The following GRIK3 variants were observed in gnomAD, a reference collection of about 807,000 sequenced individuals.
The protein encoded by GRIK3 is glutamate receptor ionotropic, kainate 3.
GRIK3 carries 29 observed loss-of-function variants against 102.5 expected under a neutral mutation model. The ratio of observed to expected loss-of-function variants is 0.28; its 90% CI spans 0.21 to 0.39. The LOEUF is 0.39. Ranked by LOEUF, GRIK3 falls within the 10% of genes least tolerant of loss-of-function variation. The pLI is 1.00. For synonymous variants in GRIK3, 511 were observed against 504.9 expected (o/e 1.01, Z -0.16); for missense variants, 908 against 1,252.4 (o/e 0.73, Z 4.15).
intron 1 of GRIK3, among the ~76,000 whole-genome samples, chr1:37,002,478 T>G (rs1210394668): frequency 6.6e-6 from 1 of 152,156 alleles, no homozygotes; most frequent in African/African-American, 2.4e-5. Context: ...TTTCTCTAGA[T>G]AGTCTAGGAT....
intron 1 of GRIK3, among the ~76,000 whole-genome samples, chr1:36,978,437 C>G (rs1349142255): frequency 6.6e-6 from 1 of 152,244 alleles, no homozygotes; most frequent in Non-Finnish European, 1.5e-5. Context: ...TTAAAGTTCT[C>G]CCAGCAGGGA....
chr1:36,956,986 C>G (rs1394464723), intron 1 of GRIK3, among the ~76,000 whole-genome samples: 1 of 152,234 alleles, frequency 6.6e-6, no homozygotes, highest in Non-Finnish European at 1.5e-5. Context: ...TGGGCGATGC[C>G]CAGCACCCAA....
At chr1:37,014,721 A>G (rs910435861) in intron 1 of GRIK3, among the ~76,000 whole-genome samples, 4 of 152,176 alleles carry the variant, frequency 2.6e-5, no homozygotes, top group Non-Finnish European at 5.9e-5. Flanking sequence ...AGTTATCCCA[A>G]TTGGGCTCCT....
chr1:36,869,849 C>G (rs374650077), intron 4 of GRIK3, 48 bp from the exon 5 acceptor site: 1 of 1,448,868 alleles, frequency 6.9e-7, no homozygotes. Flanking sequence ...CCCTGGGCAG[C>G]CCTCCCCACA....
At chr1:36,888,916 G>A (rs547565674) in intron 2 of GRIK3, among the ~76,000 whole-genome samples, 175 of 152,222 alleles carry the variant, frequency 1.1e-3, no homozygotes, top group African/African-American at 4.0e-3. Flanking sequence ...ATAAAGGGCA[G>A]GGCCTTTTTT....
chr1:36,921,064 C>A (rs993082824), intron 1 of GRIK3, among the ~76,000 whole-genome samples: 1 of 152,240 alleles, frequency 6.6e-6, no homozygotes, highest in East Asian at 1.9e-4. Flanking sequence ...GGGCAGCCTC[C>A]AGAGGGCTGG....
At chr1:36,901,947 T>C (rs541982813) in intron 1 of GRIK3, among the ~76,000 whole-genome samples, 1 of 152,102 alleles carries the variant, frequency 6.6e-6, no homozygotes, top group Non-Finnish European at 1.5e-5. Flanking sequence ...AATGAACAAA[T>C]GGAATTTGAA....
intron 1 of GRIK3, among the ~76,000 whole-genome samples, chr1:37,030,548 TCC>T (rs942714510): frequency 2.5e-4 from 15 of 59,036 alleles, no homozygotes; most frequent in African/African-American, 8.7e-4. Context: ...CCCCACCCCC[TCC>T]CCCCCCCCAA....
chr1:36,807,202 G>T (rs59632310), intron 13 of GRIK3, among the ~76,000 whole-genome samples: 5 of 152,278 alleles, frequency 3.3e-5, no homozygotes, highest in African/African-American at 1.2e-4. Context: ...TTGGTAGGAT[G>T]CAATGCCTAT....
intron 1 of GRIK3, among the ~76,000 whole-genome samples, chr1:37,004,287 T>TA (rs1642509115): frequency 6.6e-6 from 1 of 152,164 alleles, no homozygotes; most frequent in South Asian, 2.1e-4. Context: ...GAGATAATAA[T>TA]ACCAGCCTAT....
intron 2 of GRIK3, among the ~76,000 whole-genome samples, chr1:36,882,836 C>T (rs774101265): frequency 1.6e-4 from 24 of 152,122 alleles, no homozygotes; most frequent in Non-Finnish European, 2.6e-4. Context: ...ACACAGGAGT[C>T]GCCCACCAGG....
At chr1:36,984,056 A>T (rs2124368959) in intron 1 of GRIK3, among the ~76,000 whole-genome samples, 1 of 151,948 alleles carries the variant, frequency 6.6e-6, no homozygotes, top group East Asian at 1.9e-4. Flanking sequence ...CTGCAACAGC[A>T]TGTTCTTCCA....
chr1:36,809,313 C>T (rs1041141926), intron 13 of GRIK3, among the ~76,000 whole-genome samples: 1 of 152,126 alleles, frequency 6.6e-6, no homozygotes, highest in Non-Finnish European at 1.5e-5. Flanking sequence ...TCTGACTATC[C>T]ACCTATCTAT....
intron 5 of GRIK3, 37 bp from the exon 6 acceptor site, chr1:36,860,054 T>G (rs1640704137): frequency 2.0e-6 from 3 of 1,502,220 alleles, no homozygotes; most frequent in African/African-American, 1.4e-5. Context: ...CAAGGCATGC[T>G]CACTGCTGAG....
intron 1 of GRIK3, among the ~76,000 whole-genome samples, chr1:36,900,654 A>G (rs1413985591): frequency 6.6e-6 from 1 of 152,218 alleles, no homozygotes; most frequent in Non-Finnish European, 1.5e-5. Context: ...TAGAAAAAGA[A>G]GAGCAAATTA....
chr1:36,833,578 A>C (rs1292665074), intron 10 of GRIK3, among the ~76,000 whole-genome samples: 1 of 152,138 alleles, frequency 6.6e-6, no homozygotes, highest in African/African-American at 2.4e-5. Flanking sequence ...GGGCAATGGG[A>C]TTGGGCGGAA....
In GRIK3 at chr1:36,811,159, C is replaced by G. The variant is rs907060115; in HGVS notation, c.2092-4833G>C. 2.0e-5 allele frequency among the ~76,000 whole-genome samples: 3 copies of G among 152,180 alleles called. No homozygotes were observed. In the East Asian group the frequency reaches 5.8e-4, roughly 29 times the overall value. ...GAAGCGTTTAACACAGAGCATGCCC[C>G]TAAGGCTCCATAGGTGGCCGGAGTC... On this transcript the variant is annotated intron_variant, in intron 13 of 15. Coordinates refer to ENST00000373091, the MANE Select transcript of GRIK3 (RefSeq NM_000831.4).
Position 36,799,752 on chromosome 1 carries a change from C to T in GRIK3, c.*2099G>A, listed in dbSNP as rs963474523. On this transcript the variant is annotated 3_prime_UTR_variant, in exon 16 of 16. Coordinates refer to ENST00000373091, the MANE Select transcript of GRIK3 (RefSeq NM_000831.4). ...GCTTCACATATTTGTCTCCCTCGTCCCCAATTCACTCAGATACACATACGC... is the reference window on the plus strand; with the variant it reads ...GCTTCACATATTTGTCTCCCTCGTCTCCAATTCACTCAGATACACATACGC... The T allele has an allele frequency of 6.6e-6, 1 of 152,154 alleles. No homozygotes were observed. Among genetic ancestry groups the T allele is most frequent in the Non-Finnish European group, 1.5e-5 (1 of 68,038 alleles). The allele number at this position is 152,154 out of a possible 1,614,324, so 9.4% of individuals were successfully genotyped here.
chr1:36,804,874 G>A, intron 15 of GRIK3, 113 bp downstream of exon 15: 1 of 1,321,134 alleles, frequency 7.6e-7, no homozygotes, highest in South Asian at 1.4e-5. Flanking sequence ...GATGCAGGGT[G>A]AGCTGTTGTG....
Sources: allele counts gnomAD v4.1 joint callset (sites outside exome capture counted in the v4.1 genomes callset), GRCh38; gene constraint gnomAD v4.1.1; transcripts MANE v1.5; gene names NCBI Gene and HGNC (gene_info 2026-07-23, HGNC 2026-07-21).